The following MYO1H variants were observed in gnomAD, a reference collection of about 807,000 sequenced individuals.
MYO1H encodes myosin IH, also known as unconventional myosin-Ih.
In MYO1H, 118 loss-of-function variants were observed where a neutral mutation model predicts 149.3. The observed-to-expected ratio is 0.79, with a 90% CI of 0.68 to 0.92. The LOEUF (loss-of-function observed/expected upper bound fraction) is 0.92, where lower values mean the gene tolerates loss of function less well. Among genes scored for constraint, MYO1H ranks in the 40% least tolerant of loss-of-function variants. The pLI is 0.00. For synonymous variants in MYO1H, 447 were observed against 465.2 expected (o/e 0.96, Z 0.50); for missense variants, 1,212 against 1,280.7 (o/e 0.95, Z 0.82).
chr12:109,429,636 C>CG (rs1343014381), intron 19 of MYO1H, among the ~76,000 whole-genome samples: 26 of 152,100 alleles, frequency 1.7e-4, no homozygotes, highest in Admixed American at 1.7e-3. Context: ...CATGGGGGTC[C>CG]TGGAACCAAT....
chr12:109,312,252 A>G, the MYO1H span, among the ~76,000 whole-genome samples: 5 of 151,952 alleles, frequency 3.3e-5, no homozygotes, highest in African/African-American at 1.2e-4. Context: ...TCGCTCTGTC[A>G]TCTAGGCTGG....
At chr12:109,396,398 A>G (rs1198576250) in exon 4 of MYO1H, 1 of 1,610,826 alleles carries the variant, frequency 6.2e-7, no homozygotes, top group Non-Finnish European at 8.5e-7. Flanking sequence ...GCTATAGCCG[A>G]CAACGCTTAC....
intron 1 of MYO1H, among the ~76,000 whole-genome samples, chr12:109,352,879 A>T (rs903699139): frequency 6.6e-6 from 1 of 152,120 alleles, no homozygotes; most frequent in Non-Finnish European, 1.5e-5. Flanking sequence ...CTAACCTTGG[A>T]TATTTCATTT....
At chr12:109,435,177 T>C (rs1410103666) in intron 21 of MYO1H, 64 bp downstream of exon 21, 1 of 1,131,150 alleles carries the variant, frequency 8.8e-7, no homozygotes, top group Non-Finnish European at 1.3e-6. Flanking sequence ...AGCTTGGGGG[T>C]AAATCTTAAA....
At chr12:109,438,601 G>A in exon 23 of MYO1H, 2 of 1,612,660 alleles carry the variant, frequency 1.2e-6, no homozygotes, top group Non-Finnish European at 1.7e-6. Flanking sequence ...GAGAAAGTGG[G>A]CCGTGCGGAT....
chr12:109,427,559 G>C (rs377127092), exon 19 of MYO1H: 1 of 1,612,298 alleles, frequency 6.2e-7, no homozygotes, highest in South Asian at 1.1e-5. Flanking sequence ...TTTGCATACC[G>C]AAGGAAATAC....
At chr12:109,389,953 G>A (rs886822549) in intron 2 of MYO1H, among the ~76,000 whole-genome samples, 1 of 152,128 alleles carries the variant, frequency 6.6e-6, no homozygotes, top group African/African-American at 2.4e-5. Flanking sequence ...ACCCTTAATT[G>A]TAGAAATAGA....
rs143870606 is a variant in MYO1H at position 109,415,793 on chromosome 12, A to T, written c.1597+173A>T. Among the ~76,000 whole-genome samples, 10 of 152,256 alleles carry T rather than the reference A, an allele frequency of 6.6e-5. 1 individual carries two copies. Among genetic ancestry groups the T allele is most frequent in the African/African-American group, 2.2e-4 (9 of 41,552 alleles). ...ATTGTATTTATTATTTTTGTAAATA[A>T]CCACTTTATTGAGATGCAATTCACA... is the stretch of plus-strand genomic sequence containing the variant. On this transcript the variant is annotated intron_variant, in intron 15 of 31. Coordinates refer to ENST00000310903, the Ensembl canonical transcript of MYO1H.
chr12:109,447,446 A>G (rs1438309138), exon 32 of MYO1H: 4 of 582,262 alleles, frequency 6.9e-6, no homozygotes, highest in Non-Finnish European at 9.2e-6. Flanking sequence ...CACCCTCGAC[A>G]GGATCTATGT....
intron 14 of MYO1H, among the ~76,000 whole-genome samples, chr12:109,412,345 A>G (rs1327866922): frequency 6.6e-6 from 1 of 152,156 alleles, no homozygotes; most frequent in Non-Finnish European, 1.5e-5. Context: ...TTTTGTAAAG[A>G]CAGGGTTTCA....
upstream of MYO1H, among the ~76,000 whole-genome samples, chr12:109,343,469 G>T (rs1164767859): frequency 1.3e-5 from 2 of 152,186 alleles, no homozygotes; most frequent in African/African-American, 4.8e-5. Flanking sequence ...CACTGACATT[G>T]CTTAGAATTG....
At chr12:109,335,526 C>T in the MYO1H span, among the ~76,000 whole-genome samples, 3 of 151,946 alleles carry the variant, frequency 2.0e-5, no homozygotes, top group East Asian at 1.9e-4. Flanking sequence ...CAATCATACT[C>T]TTTATTTTTA....
rs368569766 is a variant in MYO1H at position 109,421,047 on chromosome 12, G to C, written c.1644+20G>C. On this transcript the variant is annotated intron_variant, in intron 16 of 31. Transcript: ENST00000310903. Reference sequence around the variant, plus strand: ...AAAGAAGTAAGTCTGACACTTAACTGTATGTGTTTCTGATTATTTTGAAAT... The same window carrying C: ...AAAGAAGTAAGTCTGACACTTAACTCTATGTGTTTCTGATTATTTTGAAAT... 2.0e-6 allele frequency: 3 copies of C among 1,477,004 alleles called. No homozygotes were observed. Among genetic ancestry groups the C allele is most frequent in the Non-Finnish European group, 2.8e-6 (3 of 1,067,724 alleles). 91.5% of individuals were successfully genotyped at this position (1,477,004 alleles called of 1,614,324 possible).
intron 1 of MYO1H, among the ~76,000 whole-genome samples, chr12:109,350,982 G>T (rs953857043): frequency 5.3e-4 from 58 of 108,744 alleles, no homozygotes; most frequent in African/African-American, 2.3e-3. Flanking sequence ...GTAGATTTAT[G>T]GAACAACCAC....
intron 16 of MYO1H, among the ~76,000 whole-genome samples, chr12:109,423,699 C>A (rs189600679): frequency 6.6e-6 from 1 of 152,296 alleles, no homozygotes; most frequent in Non-Finnish European, 1.5e-5. Context: ...TTTCTTTTTG[C>A]AACTGGCTTA....
At chr12:109,443,763 G>C in intron 28 of MYO1H, 114 bp downstream of exon 28, 1 of 1,180,010 alleles carries the variant, frequency 8.5e-7, no homozygotes, top group South Asian at 1.5e-5. Flanking sequence ...TAAACCCCGG[G>C]GTAGTGATGC....
chr12:109,314,667 A>G, the MYO1H span, among the ~76,000 whole-genome samples: 1 of 152,212 alleles, frequency 6.6e-6, no homozygotes, highest in Non-Finnish European at 1.5e-5. Flanking sequence ...AAGGAATACC[A>G]CCACTCATCT....
chr12:109,366,155 C>T (rs1230446213), intron 1 of MYO1H, among the ~76,000 whole-genome samples: 2 of 152,188 alleles, frequency 1.3e-5, no homozygotes, highest in African/African-American at 2.4e-5. Context: ...GACCACTGAC[C>T]GCTGTCCTAG....
At chr12:109,446,116 T>A (rs545606107) in intron 31 of MYO1H, 1 of 985,458 alleles carries the variant, frequency 1.0e-6, no homozygotes, top group East Asian at 1.1e-4. Flanking sequence ...TTGGAATACA[T>A]GTGTCAAAGG....
Sources: gnomAD v4.1 joint callset for allele counts (sites outside exome capture counted in the v4.1 genomes callset) on GRCh38, gnomAD v4.1.1 for gene constraint, MANE v1.5 for transcripts, NCBI Gene and HGNC (gene_info 2026-07-23, HGNC 2026-07-21) for gene names.